CTNND2: variants seen among roughly 807,000 people sequenced by gnomAD.
CTNND2 encodes catenin delta 2, also known as catenin delta-2.
A neutral mutation model predicts 144.4 loss-of-function variants in CTNND2; 22 were observed. The observed-to-expected ratio is 0.15, with a 90% CI of 0.11 to 0.22. The LOEUF (loss-of-function observed/expected upper bound fraction) is 0.22, where lower values mean the gene tolerates loss of function less well. Among genes scored for constraint, CTNND2 ranks in the 10% least tolerant of loss-of-function variants. CTNND2 has a pLI of 1.00. For missense variants in CTNND2, 1,353 were observed against 1,618.8 expected, an observed-to-expected ratio of 0.84 and a Z score of 2.82; for synonymous variants, 751 against 695.6, an observed-to-expected ratio of 1.08 and a Z score of -1.25.
chr5:10,997,321 C>T (rs985163655), intron 18 of CTNND2, among the ~76,000 whole-genome samples: 2 of 152,142 alleles, frequency 1.3e-5, no homozygotes, highest in African/African-American at 4.8e-5. Context: ...AGGCCAGGAG[C>T]GGTGGCTCAC....
chr5:11,040,632 A>C (rs1383495068), intron 16 of CTNND2, among the ~76,000 whole-genome samples: 2 of 152,228 alleles, frequency 1.3e-5, no homozygotes, highest in African/African-American at 4.8e-5. Flanking sequence ...ATATTTAACT[A>C]GTATAAGAAT....
chr5:11,761,531 T>C (rs1401651116), intron 1 of CTNND2, among the ~76,000 whole-genome samples: 1 of 151,978 alleles, frequency 6.6e-6, no homozygotes, highest in Non-Finnish European at 1.5e-5. Flanking sequence ...TGGTACAATA[T>C]CTAGTAACAA....
At chr5:11,404,996 C>G (rs1382902300) in intron 5 of CTNND2, among the ~76,000 whole-genome samples, 6 of 152,296 alleles carry the variant, frequency 3.9e-5, no homozygotes, top group South Asian at 2.1e-4. Context: ...TCCTCTGCCT[C>G]GCGGGGAAAA....
At position 11,611,897 on chromosome 5, in the gene CTNND2, T is replaced by C. The variant is rs147118679; in HGVS notation, c.175-46841A>G. On this transcript the variant is annotated intron_variant, in intron 2 of 21. Transcript: ENST00000304623. ...AATGTATTATCAACTTTTGTCTCTC[T>C]GACAACCAGCTCCCTCCAGACTCTG... Among the ~76,000 whole-genome samples the C allele has an allele frequency of 4.8e-4, 73 of 152,348 alleles. 1 individual carries two copies. The East Asian group carries it at 6.9e-3, about 14-fold the overall frequency.
At chr5:11,295,268 C>A (rs1748790868) in intron 9 of CTNND2, among the ~76,000 whole-genome samples, 1 of 152,138 alleles carries the variant, frequency 6.6e-6, no homozygotes, top group East Asian at 1.9e-4. Flanking sequence ...ACGAATCCAC[C>A]TTACAAGGGA....
At chr5:11,486,578 G>A (rs1290991495) in intron 3 of CTNND2, among the ~76,000 whole-genome samples, 1 of 152,116 alleles carries the variant, frequency 6.6e-6, no homozygotes, top group Non-Finnish European at 1.5e-5. Flanking sequence ...GAGGACATTG[G>A]AGGGAGAGAC....
intron 3 of CTNND2, among the ~76,000 whole-genome samples, chr5:11,419,026 C>CTATATATAGATATAGATATATATCTATA (rs1762134729): frequency 8.0e-6 from 1 of 125,128 alleles, no homozygotes; most frequent in Non-Finnish European, 1.7e-5. Flanking sequence ...AGATGTCTAT[C>CTATATATAGATATAGATATATATCTATA]TATATATAGA....
At chr5:11,813,247 A>C (rs1255063665) in intron 1 of CTNND2, among the ~76,000 whole-genome samples, 1 of 152,190 alleles carries the variant, frequency 6.6e-6, no homozygotes, top group Non-Finnish European at 1.5e-5. Flanking sequence ...GGCTGTACCA[A>C]CTACTTGTGT....
intron 3 of CTNND2, among the ~76,000 whole-genome samples, chr5:11,517,764 G>A (rs1057342950): frequency 1.3e-5 from 2 of 151,546 alleles, no homozygotes; most frequent in Admixed American, 6.6e-5. Flanking sequence ...CATTCTGCCT[G>A]TGTATCCCAG....
intron 1 of CTNND2, among the ~76,000 whole-genome samples, chr5:11,879,928 C>A (rs976863993): frequency 4.2e-4 from 64 of 152,070 alleles, no homozygotes; most frequent in Non-Finnish European, 2.1e-4. Context: ...TAGGGACATA[C>A]GACTCAATTT....
intron 18 of CTNND2, among the ~76,000 whole-genome samples, chr5:10,997,172 G>A (rs984407201): frequency 6.6e-6 from 1 of 152,180 alleles, no homozygotes; most frequent in African/African-American, 2.4e-5. Flanking sequence ...GTTCTGTGGG[G>A]TTCTCTGAAA....
chr5:11,552,378 T>C (rs1403871881), intron 3 of CTNND2, among the ~76,000 whole-genome samples: 1 of 152,234 alleles, frequency 6.6e-6, no homozygotes, highest in African/African-American at 2.4e-5. Flanking sequence ...ATAAAGTTCA[T>C]GCCTTGACCT....
At chr5:11,099,325 G>A (rs145097983) in intron 14 of CTNND2, among the ~76,000 whole-genome samples, 1 of 152,130 alleles carries the variant, frequency 6.6e-6, no homozygotes, top group Non-Finnish European at 1.5e-5. Context: ...ATGAGCTACA[G>A]GCAAATCTAG....
At chr5:11,522,457 A>G (rs1174975780) in intron 3 of CTNND2, among the ~76,000 whole-genome samples, 1 of 152,172 alleles carries the variant, frequency 6.6e-6, no homozygotes, top group Non-Finnish European at 1.5e-5. Context: ...TTTTGTTAGT[A>G]TCATTCTCCC....
chr5:11,803,578 T>G (rs1791818757), intron 1 of CTNND2, among the ~76,000 whole-genome samples: 1 of 152,194 alleles, frequency 6.6e-6, no homozygotes, highest in Non-Finnish European at 1.5e-5. Flanking sequence ...AGTCACTGAA[T>G]GTTAAGGCTA....
intron 1 of CTNND2, among the ~76,000 whole-genome samples, chr5:11,825,313 C>T (rs986575031): frequency 1.3e-5 from 2 of 152,002 alleles, no homozygotes; most frequent in African/African-American, 4.8e-5. Context: ...AAAAACACAA[C>T]AACAGAGCTG....
chr5:11,053,066 G>C (rs909839294), intron 16 of CTNND2, among the ~76,000 whole-genome samples: 3 of 152,172 alleles, frequency 2.0e-5, no homozygotes, highest in African/African-American at 7.2e-5. Context: ...GTTTCAAAGA[G>C]ATATATTACA....
chr5:11,834,916 A>T (rs1295491844), intron 1 of CTNND2, among the ~76,000 whole-genome samples: 1 of 152,206 alleles, frequency 6.6e-6, no homozygotes, highest in East Asian at 1.9e-4. Flanking sequence ...CAGAGCAGGA[A>T]GATCATTTGA....
chr5:11,143,411 C>T (rs995729738), intron 12 of CTNND2, among the ~76,000 whole-genome samples: 2 of 152,140 alleles, frequency 1.3e-5, no homozygotes, highest in Non-Finnish European at 2.9e-5. Flanking sequence ...AAAAAAAACT[C>T]GTTCTGGGCC....
Sources: gnomAD v4.1 joint callset for allele counts (sites outside exome capture counted in the v4.1 genomes callset) on GRCh38, gnomAD v4.1.1 for gene constraint, MANE v1.5 for transcripts, NCBI Gene and HGNC (gene_info 2026-07-23, HGNC 2026-07-21) for gene names.